The following ZMYM2 variants were observed in gnomAD, a reference collection of about 807,000 sequenced individuals.
ZMYM2 encodes zinc finger MYM-type protein 2.
ZMYM2 carries 56 observed loss-of-function variants against 162.8 expected under a neutral mutation model. That is an observed-to-expected ratio of 0.34 (90% confidence interval 0.28 to 0.43). The LOEUF (loss-of-function observed/expected upper bound fraction) is 0.43, where lower values mean the gene tolerates loss of function less well. Among genes scored for constraint, ZMYM2 ranks in the 20% least tolerant of loss-of-function variants. The probability of loss-of-function intolerance (pLI) is 1.00; values close to 1 mark genes in which losing one functional copy is unlikely to be tolerated. For missense variants in ZMYM2, 1,275 were observed against 1,621.8 expected, an observed-to-expected ratio of 0.79 and a Z score of 3.67; for synonymous variants, 510 against 541.6, an observed-to-expected ratio of 0.94 and a Z score of 0.81.
intron 21 of ZMYM2, among the ~76,000 whole-genome samples, chr13:20,068,761 T>C: frequency 6.6e-6 from 1 of 152,160 alleles, no homozygotes; most frequent in East Asian, 1.9e-4. Context: ...AATTCTGTTA[T>C]CTAGATCAAT....
chr13:20,009,640 A>G (rs1049515740), intron 6 of ZMYM2, among the ~76,000 whole-genome samples: 1 of 152,194 alleles, frequency 6.6e-6, no homozygotes, highest in Non-Finnish European at 1.5e-5. Context: ...ATATTCATGT[A>G]AGTGAAATTA....
chr13:20,061,581 T>TTTTTG (rs1281865985), intron 17 of ZMYM2, among the ~76,000 whole-genome samples: 3 of 152,046 alleles, frequency 2.0e-5, no homozygotes, highest in Non-Finnish European at 2.9e-5. Flanking sequence ...TATCCCTAGT[T>TTTTTG]TTTTGTTTTG....
intron 2 of ZMYM2, among the ~76,000 whole-genome samples, chr13:19,992,804 T>C (rs1334823530): frequency 6.6e-6 from 1 of 152,080 alleles, no homozygotes; most frequent in East Asian, 1.9e-4. Flanking sequence ...TGCATATGAT[T>C]ACCATGAATA....
intron 21 of ZMYM2, among the ~76,000 whole-genome samples, chr13:20,078,393 T>G (rs1488045249): frequency 1.3e-5 from 2 of 152,200 alleles, no homozygotes; most frequent in Non-Finnish European, 2.9e-5. Flanking sequence ...TTTTATAAAT[T>G]GTTATGTATA....
intron 21 of ZMYM2, among the ~76,000 whole-genome samples, chr13:20,078,527 A>G (rs1041222738): frequency 1.3e-5 from 2 of 152,200 alleles, no homozygotes; most frequent in Non-Finnish European, 2.9e-5. Context: ...TCTAAAATAC[A>G]TGCTTTTCAA....
chr13:20,073,669 T>A (rs1333763528), intron 21 of ZMYM2, among the ~76,000 whole-genome samples: 1 of 152,218 alleles, frequency 6.6e-6, no homozygotes, highest in Admixed American at 6.5e-5. Flanking sequence ...GTGTTTTAAT[T>A]TTCCTTGACT....
chr13:19,885,453 A>G, the ZMYM2 span, among the ~76,000 whole-genome samples: 1 of 152,156 alleles, frequency 6.6e-6, no homozygotes, highest in Non-Finnish European at 1.5e-5. Flanking sequence ...CATTACTGAG[A>G]TAAGGAACTT....
chr13:20,004,934 C>CT, intron 4 of ZMYM2, 140 bp from the exon 5 acceptor site: 1 of 574,530 alleles, frequency 1.7e-6, no homozygotes, highest in East Asian at 3.5e-5. Flanking sequence ...TTAGGAATGT[C>CT]TAATAAAAAT....
chr13:20,087,806 T>G lies in ZMYM2; in HGVS notation c.*1792T>G, dbSNP rs967755370. The G allele has an allele frequency of 4.8e-5, 9 of 187,414 alleles. No individual in the cohort carries two copies. The highest frequency in any genetic ancestry group is 9.0e-5 in the Non-Finnish European group (8 of 88,774). The allele number at this position is 187,414 out of a possible 1,614,324, so 11.6% of individuals were successfully genotyped here. ...TAAAATAGATTGCTGATTGTCTATT[T>G]AACGAAGACAAGTGGGTAACATTTA... On this transcript the variant is annotated 3_prime_UTR_variant, in exon 25 of 25. Coordinates refer to ENST00000610343, the MANE Select transcript of ZMYM2 (RefSeq NM_197968.4).
chr13:20,052,594 A>C (rs548667037), intron 14 of ZMYM2, among the ~76,000 whole-genome samples: 1 of 152,046 alleles, frequency 6.6e-6, no homozygotes, highest in Non-Finnish European at 1.5e-5. Context: ...CTTTAAGACA[A>C]TGGCAATAGT....
Position 19,993,197 on chromosome 13 carries a change from T to A in ZMYM2, c.125T>A (p.Leu42Ter), listed in dbSNP as rs1166070252. ...TCATTTAGTGGTCCAGCTAATCCTT[T>A]AGTGTCTAGATCTAATAAGTTTCAG... Reference protein sequence around the residue: ...GNSFSGPANPLVSRSNKFQNS... With the variant: ...GNSFSGPANP Residue 42 changes from leucine (L) to a stop codon, truncating the protein, a stop_gained, in exon 3 of 25, where the codon TTA (leucine) becomes TAA (stop). Transcript: ENST00000610343. LOFTEE classifies it high-confidence loss of function. 6.2e-7 allele frequency: 1 copy of A among 1,614,072 alleles called. No individual in the cohort carries two copies. Among genetic ancestry groups the A allele is most frequent in the Non-Finnish European group, 8.5e-7 (1 of 1,179,958 alleles).
At chr13:19,921,815 G>A in the ZMYM2 span, among the ~76,000 whole-genome samples, 3 of 152,170 alleles carry the variant, frequency 2.0e-5, no homozygotes, top group Admixed American at 6.5e-5. Flanking sequence ...ATTAATATAA[G>A]TGGAGAGTTT....
the ZMYM2 span, among the ~76,000 whole-genome samples, chr13:19,911,092 G>A: frequency 2.8e-4 from 38 of 136,868 alleles, no homozygotes; most frequent in Non-Finnish European, 5.2e-4. Context: ...CTGTTGTCCA[G>A]CTAATTTTGG....
At chr13:19,965,123 T>G in intron 2 of ZMYM2, 1 of 575,856 alleles carries the variant, frequency 1.7e-6, no homozygotes, top group Non-Finnish European at 2.5e-6. Flanking sequence ...ATAGCTATTC[T>G]AAGTAACATT....
At chr13:19,999,816 T>C (rs981645830) in intron 3 of ZMYM2, among the ~76,000 whole-genome samples, 2 of 152,170 alleles carry the variant, frequency 1.3e-5, no homozygotes, top group Admixed American at 6.5e-5. Flanking sequence ...TAGCCTTTTT[T>C]TGAGACAGAG....
intron 24 of ZMYM2, among the ~76,000 whole-genome samples, chr13:20,084,085 C>T (rs543026983): frequency 3.1e-4 from 47 of 152,300 alleles, no homozygotes; most frequent in Admixed American, 9.2e-4. Flanking sequence ...GATCATAGCT[C>T]ATTGCAACCT....
chr13:20,011,939 G>A (rs933962873), intron 6 of ZMYM2, among the ~76,000 whole-genome samples: 1 of 151,886 alleles, frequency 6.6e-6, no homozygotes, highest in Non-Finnish European at 1.5e-5. Flanking sequence ...TAGTAGAGAC[G>A]GGGTTTCACC....
chr13:19,991,079 CTGTGTG>C lies in ZMYM2; in HGVS notation c.-10-1954_-10-1949del, dbSNP rs56666919. On this transcript the variant is annotated intron_variant, in intron 2 of 24. Transcript: ENST00000610343. ...GTGTGTGTGTGTACGTATGTATTTT[CTGTGTG>C]TGTGTGTGTGTGTGTGTGTGTGTGT... Among the ~76,000 whole-genome samples, 42 of 59,942 alleles carry C rather than the reference CTGTGTG, an allele frequency of 7.0e-4. 1 individual carries two copies. In the South Asian group the frequency reaches 0.017, roughly 24 times the overall value. The allele number at this position is 59,942 out of a possible 152,430, so 39.3% of individuals were successfully genotyped here.
At chr13:19,952,924 A>G in the ZMYM2 span, among the ~76,000 whole-genome samples, 2 of 152,160 alleles carry the variant, frequency 1.3e-5, no homozygotes, top group East Asian at 3.8e-4. Flanking sequence ...AAGAAGTGAG[A>G]CCTTTAAGAG....
Sources: allele counts gnomAD v4.1 joint callset (sites outside exome capture counted in the v4.1 genomes callset), GRCh38; gene constraint gnomAD v4.1.1; transcripts MANE v1.5; gene names NCBI Gene and HGNC (gene_info 2026-07-23, HGNC 2026-07-21).